Variants in XKR3 observed in about 807,000 individuals in gnomAD.
XKR3 encodes the protein XK related 3.
XKR3 carries 27 observed loss-of-function variants against 40.3 expected under a neutral mutation model. That is an observed-to-expected ratio of 0.67 (90% CI 0.49 to 0.92). The LOEUF (loss-of-function observed/expected upper bound fraction) is 0.92, where lower values mean the gene tolerates loss of function less well. Ranked by LOEUF, XKR3 falls within the 40% of genes least tolerant of loss-of-function variation. The pLI, the probability that XKR3 is intolerant of heterozygous loss-of-function variation, is 0.00. For synonymous variants in XKR3, 193 were observed against 195.4 expected (o/e 0.99, Z 0.10); for missense variants, 472 against 537.6 (o/e 0.88, Z 1.21).
intron 1 of XKR3, among the ~76,000 whole-genome samples, chr22:16,818,090 T>C (rs2060241207): frequency 6.6e-6 from 1 of 152,168 alleles, no homozygotes; most frequent in Non-Finnish European, 1.5e-5. Context: ...TTCTTCGAGA[T>C]TAATTTTGGT....
At chr22:16,814,661 TATTAG>T (rs2060226042) in intron 1 of XKR3, among the ~76,000 whole-genome samples, 1 of 152,190 alleles carries the variant, frequency 6.6e-6, no homozygotes, top group Non-Finnish European at 1.5e-5. Context: ...ATTTTAGAGT[TATTAG>T]ATTATAATGT....
At chr22:16,806,745 A>C (rs2060191486) in intron 2 of XKR3, among the ~76,000 whole-genome samples, 2 of 152,176 alleles carry the variant, frequency 1.3e-5, no homozygotes, top group South Asian at 4.1e-4. Context: ...ACCTACAGTT[A>C]AGTTTTAAAT....
intron 1 of XKR3, among the ~76,000 whole-genome samples, chr22:16,817,430 T>A (rs146011461): frequency 2.2e-3 from 334 of 152,226 alleles, no homozygotes; most frequent in Non-Finnish European, 3.7e-3. Flanking sequence ...GAATATCACA[T>A]AGGATGGAGG....
chr22:16,821,860 A>G (rs544071224), intron 1 of XKR3, among the ~76,000 whole-genome samples: 1 of 152,232 alleles, frequency 6.6e-6, no homozygotes, highest in South Asian at 2.1e-4. Context: ...CAGTTCAAAC[A>G]AACTATGCTA....
chr22:16,805,581 G>A lies in XKR3; in HGVS notation c.335+2158C>T, dbSNP rs550387078. Among the ~76,000 whole-genome samples, 3 of 152,150 alleles carry A rather than the reference G, an allele frequency of 2.0e-5. No individual in the cohort carries two copies. In the East Asian group the frequency reaches 5.8e-4, roughly 29 times the overall value. On this transcript the variant is annotated intron_variant, in intron 2 of 3. Coordinates refer to ENST00000684488, the MANE Select transcript of XKR3 (RefSeq NM_001386955.1). Reference sequence around the variant, plus strand: ...TTATTATTATTCACAATATTTGGCAGAAACAATCAACTGATCAGTTGGGAA... The same window carrying A: ...TTATTATTATTCACAATATTTGGCAAAAACAATCAACTGATCAGTTGGGAA...
At chr22:16,807,682 A>G in intron 2 of XKR3, 57 bp downstream of exon 2, 1 of 1,399,590 alleles carries the variant, frequency 7.1e-7, no homozygotes, top group South Asian at 1.4e-5. Flanking sequence ...TTAGCCATCT[A>G]TTTATATTCA....
chr22:16,819,963 G>T (rs1359361613), intron 1 of XKR3, among the ~76,000 whole-genome samples: 1 of 152,130 alleles, frequency 6.6e-6, no homozygotes, highest in South Asian at 2.1e-4. Flanking sequence ...TGCACAAAAA[G>T]TCACTGAACA....
At position 16,807,758 on chromosome 22, in the gene XKR3, G is replaced by T; in HGVS notation, c.316C>A (p.Leu106Ile). ...ACTTACCTCACAATAGGTCCTAAAAGAAGAATGTGCCAAAAAAGTAATGCA... is the reference window on the plus strand; with the variant it reads ...ACTTACCTCACAATAGGTCCTAAAATAAGAATGTGCCAAAAAAGTAATGCA... ...KAALLFWHIL[L>I]LGPIVRCLHT... The change falls in exon 2 of 4, where the codon CTT becomes ATT. Residue 106 changes from leucine (L) to isoleucine (I), a missense_variant. Leu to Ile is a conservative substitution (Grantham distance 5). Coordinates refer to ENST00000684488, the MANE Select transcript of XKR3 (RefSeq NM_001386955.1). 1 of 1,605,534 alleles carries T rather than the reference G, an allele frequency of 6.2e-7. No homozygotes were observed. Among genetic ancestry groups the T allele is most frequent in the Non-Finnish European group, 8.5e-7 (1 of 1,175,242 alleles).
In XKR3 at chr22:16,784,444, T is replaced by C; in HGVS notation, c.590-35A>G. ...ACAAACATGAAAATGTTAGAGAATA[T>C]TTTTCATTAGTAATGACCACTTTCT... On this transcript the variant is annotated intron_variant, in intron 3 of 3. Coordinates refer to ENST00000684488, the MANE Select transcript of XKR3 (RefSeq NM_001386955.1). 3 of 1,529,052 alleles carry C rather than the reference T, an allele frequency of 2.0e-6. No individual in the cohort carries two copies. In the South Asian group the frequency reaches 3.9e-5, roughly 20 times the overall value. The allele number at this position is 1,529,052 out of a possible 1,614,324, so 94.7% of individuals were successfully genotyped here. A position where few individuals can be genotyped will look rare whatever the true frequency, so the allele number is the denominator to read the frequency against.
rs1203434647 is a variant in XKR3 at position 16,796,579 on chromosome 22, C to T, written c.589+3192G>A. 2.6e-3 allele frequency among the ~76,000 whole-genome samples: 392 copies of T among 152,162 alleles called. 2 individuals carry two copies. Among genetic ancestry groups the T allele is most frequent in the East Asian group, 0.018 (94 of 5,176 alleles). ...TGTCCAAATCAATAAATGTGATCAC[C>T]ACATAAACAGAATCAAAAGTAAAAA... On this transcript the variant is annotated intron_variant, in intron 3 of 3. Coordinates refer to ENST00000684488, the MANE Select transcript of XKR3 (RefSeq NM_001386955.1).
intron 2 of XKR3, among the ~76,000 whole-genome samples, chr22:16,802,147 A>T (rs1281252680): frequency 1.3e-5 from 2 of 152,174 alleles, no homozygotes; most frequent in African/African-American, 2.4e-5. Flanking sequence ...CTTCTTTAGC[A>T]ATTATGAAAT....
chr22:16,820,249 T>A (rs2060250127), intron 1 of XKR3, among the ~76,000 whole-genome samples: 1 of 152,174 alleles, frequency 6.6e-6, no homozygotes, highest in East Asian at 1.9e-4. Context: ...GTTCTTCAAT[T>A]GTGAATGTTC....
intron 2 of XKR3, among the ~76,000 whole-genome samples, chr22:16,806,762 C>G (rs2060191519): frequency 6.6e-6 from 1 of 151,876 alleles, no homozygotes; most frequent in Admixed American, 6.6e-5. Flanking sequence ...AAATCAATAA[C>G]AAAACAGTTA....
chr22:16,805,714 T>C (rs1415660810), intron 2 of XKR3, among the ~76,000 whole-genome samples: 1 of 152,180 alleles, frequency 6.6e-6, no homozygotes, highest in African/African-American at 2.4e-5. Flanking sequence ...AAAACATTAT[T>C]CATCAAACTG....
intron 3 of XKR3, among the ~76,000 whole-genome samples, chr22:16,792,940 C>T (rs2060126405): frequency 6.6e-6 from 1 of 152,218 alleles, no homozygotes; most frequent in Non-Finnish European, 1.5e-5. Flanking sequence ...TAGTTATCTT[C>T]CTATTCACGT....
At chr22:16,818,297 C>G (rs547521781) in intron 1 of XKR3, among the ~76,000 whole-genome samples, 1 of 152,044 alleles carries the variant, frequency 6.6e-6, no homozygotes, top group Non-Finnish European at 1.5e-5. Context: ...TAAAACACCA[C>G]GGACATAATG....
rs751358953 is a variant in XKR3 at position 16,784,356 on chromosome 22, T to C, written c.643A>G (p.Asn215Asp). ...LSVTYGAIRC[N>D]ILAIQISNDD... is the part of the protein sequence containing the mutation. ...TTGCTGATCTGGATGGCCAGTATAT[T>C]GCAGCGAATGGCCCCATAAGTAACT... The change falls in exon 4 of 4, where the codon AAT becomes GAT. Residue 215 changes from asparagine to aspartate, a missense_variant. Physicochemically the swap from Asn to Asp is conservative, Grantham distance 23. Transcript: ENST00000684488. 6.2e-7 allele frequency: 1 copy of C among 1,613,308 alleles called. No homozygotes were observed. Among genetic ancestry groups the C allele is most frequent in the Non-Finnish European group, 8.5e-7 (1 of 1,179,754 alleles).
At chr22:16,786,120 A>G (rs2060089712) in intron 3 of XKR3, among the ~76,000 whole-genome samples, 1 of 152,136 alleles carries the variant, frequency 6.6e-6, no homozygotes, top group South Asian at 2.1e-4. Context: ...AATGTTCGAA[A>G]GTAAAATTTG....
At position 16,799,979 on chromosome 22, in the gene XKR3, A is replaced by C. The variant is rs368535963; in HGVS notation, c.381T>G (p.Leu127=). Residue 127 remains leucine, a synonymous_variant, in exon 3 of 4, where the codon CTT becomes CTG. Transcript: ENST00000684488. ...IRNYHKWLKN[L]KQEKEETQVS... is the part of the protein sequence containing the mutation. ...CTTGAGTCTCTTCCTTCTCCTGTTT[A>C]AGATTTTTCAACCATTTGTGGTAAT... The C allele has an allele frequency of 2.5e-6, 4 of 1,614,142 alleles. No homozygotes were observed. Among genetic ancestry groups the C allele is most frequent in the Non-Finnish European group, 3.4e-6 (4 of 1,180,002 alleles).
Sources: allele counts gnomAD v4.1 joint callset (sites outside exome capture counted in the v4.1 genomes callset), GRCh38; gene constraint gnomAD v4.1.1; transcripts MANE v1.5; gene names NCBI Gene and HGNC (gene_info 2026-07-23, HGNC 2026-07-21).